TAF4B: variants seen among roughly 807,000 people sequenced by gnomAD.
TAF4B encodes transcription initiation factor TFIID subunit 4B.
In TAF4B, 38 loss-of-function variants were observed where a neutral mutation model predicts 86.4. The observed-to-expected ratio is 0.44, with a 90% CI of 0.34 to 0.58. TAF4B has a LOEUF of 0.58. Ranked by LOEUF, TAF4B falls within the 20% of genes least tolerant of loss-of-function variation. The pLI is 0.02. For missense variants in TAF4B, 988 were observed against 1,027.6 expected, an observed-to-expected ratio of 0.96 and a Z score of 0.53; for synonymous variants, 388 against 391.2, an observed-to-expected ratio of 0.99 and a Z score of 0.10.
intron 12 of TAF4B, among the ~76,000 whole-genome samples, chr18:26,330,745 A>G (rs1220483364): frequency 6.6e-6 from 1 of 152,102 alleles, no homozygotes; most frequent in Non-Finnish European, 1.5e-5. Flanking sequence ...AGTTCCTTCT[A>G]CCCTTAATCT....
intron 13 of TAF4B, among the ~76,000 whole-genome samples, chr18:26,344,887 C>G (rs1598814343): frequency 6.6e-6 from 1 of 152,274 alleles, no homozygotes; most frequent in East Asian, 1.9e-4. Flanking sequence ...TATCTAGCAT[C>G]TACAGTCCTG....
chr18:26,239,197 T>G (rs570938189), intron 1 of TAF4B, among the ~76,000 whole-genome samples: 1 of 152,280 alleles, frequency 6.6e-6, no homozygotes, highest in East Asian at 1.9e-4. Flanking sequence ...CTAGTTTGCA[T>G]TCCCACCAAC....
chr18:26,254,976 T>C (rs1020009021), intron 1 of TAF4B, among the ~76,000 whole-genome samples: 3 of 152,174 alleles, frequency 2.0e-5, no homozygotes, highest in Admixed American at 6.5e-5. Flanking sequence ...TTCAAAATTA[T>C]TAACAGCTGC....
chr18:26,327,143 A>T lies in TAF4B; in HGVS notation c.2259+3A>T. On this transcript the variant is annotated splice_donor_region_variant and intron_variant, in intron 12 of 14. Transcript: ENST00000269142. ...AAATGTTACTTAAGGCAGCCAAGGTAAGGGCCAGTGTGATTTATGAGTGAA... is the reference window on the plus strand; with the variant it reads ...AAATGTTACTTAAGGCAGCCAAGGTTAGGGCCAGTGTGATTTATGAGTGAA... 2 of 1,610,368 alleles carry T rather than the reference A, an allele frequency of 1.2e-6. No homozygotes were observed. Among genetic ancestry groups the T allele is most frequent in the African/African-American group, 2.7e-5 (2 of 75,018 alleles).
At chr18:26,363,631 A>AG (rs1412870934) in intron 14 of TAF4B, among the ~76,000 whole-genome samples, 1 of 152,202 alleles carries the variant, frequency 6.6e-6, no homozygotes, top group Non-Finnish European at 1.5e-5. Context: ...GATTTGCATT[A>AG]GTTACAATTG....
chr18:26,376,967 G>A (rs2057447179), intron 14 of TAF4B, among the ~76,000 whole-genome samples: 1 of 152,070 alleles, frequency 6.6e-6, no homozygotes, highest in African/African-American at 2.4e-5. Context: ...TCTAAAGAAG[G>A]TGTATTACAT....
At chr18:26,229,952 GT>G (rs1332768282) in intron 1 of TAF4B, among the ~76,000 whole-genome samples, 2 of 141,042 alleles carry the variant, frequency 1.4e-5, no homozygotes, top group African/African-American at 6.3e-5. Context: ...AACAGAACTG[GT>G]TTAAAAAAAA....
At chr18:26,333,687 C>A (rs971341133) in intron 12 of TAF4B, among the ~76,000 whole-genome samples, 3 of 152,116 alleles carry the variant, frequency 2.0e-5, no homozygotes, top group African/African-American at 7.2e-5. Flanking sequence ...CTGCCTCTAG[C>A]CTATTTAATT....
At chr18:26,349,295 T>C (rs1314267217) in intron 13 of TAF4B, among the ~76,000 whole-genome samples, 1 of 152,128 alleles carries the variant, frequency 6.6e-6, no homozygotes, top group African/African-American at 2.4e-5. Flanking sequence ...CCAGTGTCTA[T>C]TGTTGCCGTC....
chr18:26,314,812 G>A (rs1485488115), intron 9 of TAF4B, among the ~76,000 whole-genome samples: 1 of 152,078 alleles, frequency 6.6e-6, no homozygotes, highest in Non-Finnish European at 1.5e-5. Context: ...TCATTTCTTT[G>A]TCTTTCATTG....
intron 14 of TAF4B, among the ~76,000 whole-genome samples, chr18:26,373,678 T>G (rs1184463457): frequency 6.6e-6 from 1 of 152,188 alleles, no homozygotes; most frequent in African/African-American, 2.4e-5. Flanking sequence ...ATTTGTCATC[T>G]CTCAGTCTTT....
chr18:26,246,700 A>AT (rs1175527454), intron 1 of TAF4B, among the ~76,000 whole-genome samples: 13 of 151,474 alleles, frequency 8.6e-5, no homozygotes, highest in Admixed American at 4.6e-4. Context: ...CACCTGGCTA[A>AT]TTTTTTATTT....
chr18:26,295,577 C>T (rs1353983758), intron 9 of TAF4B, among the ~76,000 whole-genome samples: 1 of 152,216 alleles, frequency 6.6e-6, no homozygotes, highest in Non-Finnish European at 1.5e-5. Context: ...CTCGCTTGCG[C>T]ACCTCTCACC....
chr18:26,257,695 ATGTTTTTGAG>A (rs1159161542), intron 1 of TAF4B, among the ~76,000 whole-genome samples: 1 of 151,956 alleles, frequency 6.6e-6, no homozygotes, highest in Non-Finnish European at 1.5e-5. Context: ...TTTTTTCAAC[ATGTTTTTGAG>A]TGTTTTTCTT....
At chr18:26,327,170 G>A (rs367938413) in intron 12 of TAF4B, 30 bp downstream of exon 12, 36 of 1,603,094 alleles carry the variant, frequency 2.2e-5, no homozygotes, top group Non-Finnish European at 2.9e-5. Context: ...ATGAGTGAAT[G>A]TGGCCTGGCA....
rs1413558591 is a variant in TAF4B at position 26,265,179 on chromosome 18, T to G, written c.353T>G (p.Leu118Trp). Residue 118 changes from leucine to tryptophan, a missense_variant, in exon 2 of 15, where the codon TTG becomes TGG. Leu to Trp is a moderately conservative substitution (Grantham distance 61). Around this residue, in one of 3 missense-constraint regions of TAF4B, gnomAD observed 747 missense variants for 737.9 expected, o/e 1.01. Transcript: ENST00000269142. Reference protein sequence around the residue: ...ANLQLPPGTVLIKSNSGPLML... With the variant: ...ANLQLPPGTVWIKSNSGPLML... ...TCTTTTTTAAATATAGGAACCGTTT[T>G]GATTAAAAGTAACAGTGGTCCGTTG... 6.2e-7 allele frequency: 1 copy of G among 1,611,110 alleles called. No individual in the cohort carries two copies. Among genetic ancestry groups the G allele is most frequent in the Admixed American group, 1.7e-5 (1 of 59,192 alleles).
Position 26,315,376 on chromosome 18 carries a change from A to G in TAF4B, c.1980A>G (p.Leu660=). 4 of 1,612,896 alleles carry G rather than the reference A, an allele frequency of 2.5e-6. No individual in the cohort carries two copies. The South Asian group carries it at 4.4e-5, about 18-fold the overall frequency. The change falls in exon 10 of 15, where the codon CTA becomes CTG. Residue 660 remains leucine (L), a synonymous_variant. Coordinates refer to ENST00000269142, the MANE Select transcript of TAF4B (RefSeq NM_005640.3). ...KDEPFLFIGA[L]QKRILDIGKK... ...AACCATTTCTTTTTATTGGAGCTCT[A>G]CAAAAGAGAATTTTAGACATTGGTA...
rs532278726 is a variant in TAF4B, at chr18:26,335,251, A to G, written c.2316+20A>G. On this transcript the variant is annotated intron_variant, in intron 13 of 14. Coordinates refer to ENST00000269142, the MANE Select transcript of TAF4B (RefSeq NM_005640.3). ...AAAGAGGTAGGACTTTCAAGTTACCATGCTTGTCTTTGTGTTTGAGGGAAG... is the reference window on the plus strand; with the variant it reads ...AAAGAGGTAGGACTTTCAAGTTACCGTGCTTGTCTTTGTGTTTGAGGGAAG... 2 of 1,610,164 alleles carry G rather than the reference A, an allele frequency of 1.2e-6. No homozygotes were observed. Among genetic ancestry groups the G allele is most frequent in the African/African-American group, 1.3e-5 (1 of 74,954 alleles).
rs369420487 is a variant in TAF4B at position 26,303,305 on chromosome 18, A to G, written c.1832+9774A>G. On this transcript the variant is annotated intron_variant, in intron 9 of 14. Coordinates refer to ENST00000269142, the MANE Select transcript of TAF4B (RefSeq NM_005640.3). ...CTCCCTCCGCTTTCATACCCCCTCC[A>G]CTGTCATCCTCCCTCCACTTTCATA... Among the ~76,000 whole-genome samples the G allele has an allele frequency of 1.8e-4, 18 of 99,986 alleles. 1 individual carries two copies. Among genetic ancestry groups the G allele is most frequent in the Admixed American group, 2.3e-4 (2 of 8,848 alleles). The allele number at this position is 99,986 out of a possible 152,430, so 65.6% of individuals were successfully genotyped here.
Sources: gnomAD v4.1 joint callset for allele counts (sites outside exome capture counted in the v4.1 genomes callset) on GRCh38, gnomAD v4.1.1 for gene constraint, gnomAD v4.1.1 regional missense constraint, MANE v1.5 for transcripts, NCBI Gene and HGNC (gene_info 2026-07-23, HGNC 2026-07-21) for gene names.